The following SGK2 variants were observed in gnomAD, a reference collection of about 807,000 sequenced individuals.
SGK2 encodes serine/threonine-protein kinase Sgk2.
In SGK2, 36 loss-of-function variants were observed where a neutral mutation model predicts 47.5. That is an observed-to-expected ratio of 0.76 (90% CI 0.58 to 1.00). The LOEUF (loss-of-function observed/expected upper bound fraction) is 1.00, where lower values mean the gene tolerates loss of function less well. Ranked by LOEUF, SGK2 falls within the 50% of genes least tolerant of loss-of-function variation. SGK2 has a pLI of 0.00. For missense variants in SGK2, 404 were observed against 467.4 expected (o/e 0.86, Z 1.25); for synonymous variants, 157 against 181.9 (o/e 0.86, Z 1.10).
At chr20:43,583,561 C>G in intron 12 of SGK2, 2 of 985,338 alleles carry the variant, frequency 2.0e-6, no homozygotes, top group Non-Finnish European at 1.2e-6. Context: ...GATTTGCAAG[C>G]CCTTCCCCTT....
At chr20:43,575,410 A>G (rs914297396) in intron 10 of SGK2, among the ~76,000 whole-genome samples, 1 of 146,860 alleles carries the variant, frequency 6.8e-6, no homozygotes, top group Admixed American at 7.1e-5. Context: ...GCTGCAGTGA[A>G]CCGCGGTCGC....
chr20:43,583,351 C>T, intron 12 of SGK2: 2 of 1,278,174 alleles, frequency 1.6e-6, no homozygotes, highest in Non-Finnish European at 2.0e-6. Context: ...CTGGTTTTGT[C>T]ACCTACCATT....
chr20:43,567,631 A>T (rs764396021), intron 3 of SGK2, 34 bp from the exon 4 acceptor site: 1 of 1,609,354 alleles, frequency 6.2e-7, no homozygotes, highest in Non-Finnish European at 8.5e-7. Flanking sequence ...CAGACATTGC[A>T]AATGCTGATC....
chr20:43,566,974 A>C (rs1979769350), intron 2 of SGK2, 94 bp from the exon 3 acceptor site: 8 of 978,780 alleles, frequency 8.2e-6, no homozygotes, highest in Non-Finnish European at 1.1e-5. Context: ...CAGGCCTAGT[A>C]GAGTTGTTGG....
Position 43,566,467 on chromosome 20 carries a change from C to T in SGK2, c.-23-6C>T. On this transcript the variant is annotated splice_polypyrimidine_tract_variant and splice_region_variant and intron_variant, in intron 1 of 12. Transcript: ENST00000373100. ...CTCTCATGCCTGCTCCTCCCTGTCCCCCCAGAGCTGCCTGATCATTGCTAC... is the reference window on the plus strand; with the variant it reads ...CTCTCATGCCTGCTCCTCCCTGTCCTCCCAGAGCTGCCTGATCATTGCTAC... The T allele has an allele frequency of 1.2e-6, 2 of 1,614,098 alleles. No homozygotes were observed. Among genetic ancestry groups the T allele is most frequent in the Non-Finnish European group, 8.5e-7 (1 of 1,180,028 alleles).
intron 7 of SGK2, 126 bp downstream of exon 7, chr20:43,570,855 A>T: frequency 7.9e-7 from 1 of 1,268,860 alleles, no homozygotes; most frequent in Non-Finnish European, 1.1e-6. Context: ...GTGGGGTTGG[A>T]GTCTCCTCCT....
intron 1 of SGK2, among the ~76,000 whole-genome samples, chr20:43,564,233 G>A (rs1457836951): frequency 6.6e-6 from 1 of 152,256 alleles, no homozygotes; most frequent in Non-Finnish European, 1.5e-5. Context: ...GGCCTGCCCT[G>A]AGGACTGGGC....
At chr20:43,568,096 G>A in intron 5 of SGK2, 97 bp downstream of exon 5, 1 of 956,188 alleles carries the variant, frequency 1.0e-6, no homozygotes, top group South Asian at 1.4e-5. Flanking sequence ...CAGGTCCATG[G>A]GCCTGGGTGC....
intron 10 of SGK2, among the ~76,000 whole-genome samples, chr20:43,575,797 T>G (rs1980426766): frequency 6.6e-6 from 1 of 152,130 alleles, no homozygotes; most frequent in Non-Finnish European, 1.5e-5. Context: ...GGAGGAAGAA[T>G]AGTAAGAAAG....
chr20:43,574,930 C>T lies in SGK2; in HGVS notation c.619C>T (p.Arg207Trp), dbSNP rs1012760297. 11 of 1,613,358 alleles carry T rather than the reference C, an allele frequency of 6.8e-6. No homozygotes were observed. The highest frequency in any genetic ancestry group is 4.0e-5 in the African/African-American group (3 of 74,874). Reference protein sequence around the residue: ...TPEYLAPEVLRKEPYDRAVDW... With the variant: ...TPEYLAPEVLWKEPYDRAVDW... ...ACAGTACTTGGCACCTGAAGTGCTT[C>T]GGAAAGAGCCTTATGATCGAGCAGT... The change falls in exon 10 of 13, where the codon CGG becomes TGG. Residue 207 changes from arginine to tryptophan, a missense_variant. Physicochemically the swap from Arg to Trp is moderately radical, Grantham distance 101. Transcript: ENST00000373100.
intron 1 of SGK2, among the ~76,000 whole-genome samples, chr20:43,564,224 G>T (rs574620981): frequency 6.6e-6 from 1 of 152,252 alleles, no homozygotes. Flanking sequence ...GGCCAACCAG[G>T]CCTGCCCTGA....
At chr20:43,574,310 T>C (rs1421507935) in intron 9 of SGK2, among the ~76,000 whole-genome samples, 5 of 152,224 alleles carry the variant, frequency 3.3e-5, no homozygotes, top group Non-Finnish European at 7.3e-5. Flanking sequence ...ATGGTGTACA[T>C]TTATTTATCA....
Position 43,572,358 on chromosome 20 carries a change from G to T in SGK2, c.597+221G>T, listed in dbSNP as rs1181625232. Among the ~76,000 whole-genome samples, 3 of 152,210 alleles carry T rather than the reference G, an allele frequency of 2.0e-5. No individual in the cohort carries two copies. Among genetic ancestry groups the T allele is most frequent in the African/African-American group, 4.8e-5 (2 of 41,452 alleles). ...AGCTAGCTGCTGGTGAAGCTCTACT[G>T]CAGTGCTATCCAGTAGAAATAGAAA... is the stretch of plus-strand genomic sequence containing the variant. On this transcript the variant is annotated intron_variant, in intron 9 of 12. Coordinates refer to ENST00000373100, the MANE Select transcript of SGK2 (RefSeq NM_170693.3). This position sits in a 1 kb window ranked among gnomAD's most constrained non-coding sequence, Gnocchi z 4.2.
intron 1 of SGK2, chr20:43,565,169 G>C (rs545621406): frequency 2.0e-5 from 3 of 152,256 alleles, no homozygotes; most frequent in Admixed American, 6.5e-5. Flanking sequence ...GGGCCAGGCC[G>C]GCACCAGGCA....
rs771795406 is a variant in SGK2, at chr20:43,576,292, C to T, written c.762C>T (p.Pro254=). Residue 254 remains proline (P), a synonymous_variant, in exon 11 of 13, where the codon CCC becomes CCT. Coordinates refer to ENST00000373100, the MANE Select transcript of SGK2 (RefSeq NM_170693.3). ...TTCTGCACCAGCCGCTACAGATCCC[C>T]GGAGGCCGGACAGTGGCCGCCTGTG... ...ENILHQPLQI[P]GGRTVAACDL... The T allele has an allele frequency of 2.7e-5, 43 of 1,614,228 alleles. No individual in the cohort carries two copies. Among genetic ancestry groups the T allele is most frequent in the South Asian group, 6.6e-5 (6 of 91,084 alleles).
intron 1 of SGK2, among the ~76,000 whole-genome samples, chr20:43,559,375 C>T (rs1323661378): frequency 1.3e-5 from 2 of 152,084 alleles, no homozygotes; most frequent in South Asian, 4.1e-4. Context: ...CTTAACTAAC[C>T]AACTTACATC....
At position 43,584,919 on chromosome 20, in the gene SGK2, G is replaced by C. The variant is rs1981007333; in HGVS notation, c.1007G>C (p.Gly336Ala). 6 of 1,614,004 alleles carry C rather than the reference G, an allele frequency of 3.7e-6. No homozygotes were observed. In the Admixed American group the frequency reaches 8.3e-5, roughly 22 times the overall value. ...CAGGAAGCTGTGTCCAAGTCCATTG[G>C]CTGTACCCCTGACACTGTGGCCAGC... Reference protein sequence around the residue: ...FTQEAVSKSIGCTPDTVASSS... With the variant: ...FTQEAVSKSIACTPDTVASSS... Residue 336 changes from glycine (G) to alanine (A), a missense_variant, in exon 13 of 13, where the codon GGC becomes GCC. Physicochemically the swap from Gly to Ala is moderately conservative, Grantham distance 60. Coordinates refer to ENST00000373100, the MANE Select transcript of SGK2 (RefSeq NM_170693.3).
At chr20:43,573,577 C>G (rs1980286066) in intron 9 of SGK2, among the ~76,000 whole-genome samples, 1 of 151,912 alleles carries the variant, frequency 6.6e-6, no homozygotes, top group Admixed American at 6.6e-5. Flanking sequence ...AGTGGCTAGA[C>G]AGACGTCAGG....
intron 1 of SGK2, among the ~76,000 whole-genome samples, chr20:43,563,354 C>A (rs1979503963): frequency 6.6e-6 from 1 of 152,082 alleles, no homozygotes; most frequent in Non-Finnish European, 1.5e-5. Context: ...AGAAGGAAAA[C>A]CAAGAGTTCC....
Sources: gnomAD v4.1 joint callset for allele counts (sites outside exome capture counted in the v4.1 genomes callset) on GRCh38, gnomAD v4.1.1 for gene constraint, Gnocchi (gnomAD v3.1) non-coding constraint, MANE v1.5 for transcripts, NCBI Gene and HGNC (gene_info 2026-07-23, HGNC 2026-07-21) for gene names.